Variants in TSPAN16 observed in about 807,000 individuals in gnomAD.
TSPAN16 encodes the protein tetraspanin 16, also known as tetraspanin-16.
A neutral mutation model predicts 25.2 loss-of-function variants in TSPAN16; 23 were observed. That is an observed-to-expected ratio of 0.91 (90% CI 0.66 to 1.29). The LOEUF is 1.29. Among genes scored for constraint, TSPAN16 ranks in the 50% most tolerant of loss-of-function variants. The pLI is 0.00. For synonymous variants in TSPAN16, 123 were observed against 124.4 expected (o/e 0.99, Z 0.08); for missense variants, 272 against 299.9 (o/e 0.91, Z 0.69).
intron 5 of TSPAN16, among the ~76,000 whole-genome samples, chr19:11,309,562 C>T (rs927624493): frequency 6.6e-6 from 1 of 152,244 alleles, no homozygotes; most frequent in Non-Finnish European, 1.5e-5. Flanking sequence ...ACTCAACTGG[C>T]ACTTTCTCCG....
At chr19:11,313,260 T>TGGGAGCTA (rs1206087551) in intron 6 of TSPAN16, among the ~76,000 whole-genome samples, 1 of 152,126 alleles carries the variant, frequency 6.6e-6, no homozygotes, top group Non-Finnish European at 1.5e-5. Context: ...ATGCCTGTAA[T>TGGGAGCTA]CCCAGAATTT....
intron 2 of TSPAN16, 91 bp downstream of exon 2, chr19:11,298,430 C>A: frequency 1.6e-6 from 2 of 1,273,844 alleles, no homozygotes; most frequent in Non-Finnish European, 2.1e-6. Context: ...TGCTTGGTGT[C>A]ACCTATTTTT....
chr19:11,322,393 G>C (rs1448595116), intron 6 of TSPAN16: 1 of 152,044 alleles, frequency 6.6e-6, no homozygotes, highest in Non-Finnish European at 1.5e-5. Flanking sequence ...TGTGGTCATG[G>C]CAATTTCCCA....
At chr19:11,322,589 A>C (rs1434906157) in intron 6 of TSPAN16, 1 of 152,176 alleles carries the variant, frequency 6.6e-6, no homozygotes, top group East Asian at 1.9e-4. Context: ...CAAAAACATC[A>C]GTTTTCAGTC....
intron 5 of TSPAN16, 47 bp from the exon 6 acceptor site, chr19:11,312,092 A>G (rs754054885): frequency 9.5e-6 from 14 of 1,472,520 alleles, no homozygotes; most frequent in Non-Finnish European, 1.2e-5. Context: ...CTTGCAATCC[A>G]TAAGCCCCTA....
chr19:11,311,112 C>T (rs936461473), intron 5 of TSPAN16, among the ~76,000 whole-genome samples: 58 of 126,916 alleles, frequency 4.6e-4, no homozygotes, highest in Middle Eastern at 3.6e-3. Flanking sequence ...TCTGGGATTA[C>T]GGGCATGAGC....
Position 11,303,576 on chromosome 19 carries a change from T to A in TSPAN16, c.450+2268T>A, listed in dbSNP as rs1349477310. On this transcript the variant is annotated intron_variant, in intron 4 of 6. Transcript: ENST00000590327. ...AATAAAAAATAAATAAATAAATAAA[T>A]TAAAAAAAAAAAAAAAAAAAACTCC... is the stretch of plus-strand genomic sequence containing the variant. 7.0e-3 allele frequency among the ~76,000 whole-genome samples: 523 copies of A among 74,488 alleles called. 20 individuals are homozygous for A. The highest frequency in any genetic ancestry group is 0.023 in the African/African-American group (406 of 17,374). 48.9% of individuals were successfully genotyped at this position (74,488 alleles called of 152,430 possible). A position where few individuals can be genotyped will look rare whatever the true frequency, so the allele number is the denominator to read the frequency against.
In TSPAN16 at chr19:11,306,714, C is replaced by T; in HGVS notation, c.561C>T (p.Ser187=). ...RSCCKSIGSV[S]CDGRDVSPNV... ...GCTGTAAATCCATCGGAAGTGTGTC[C>T]TGTGACGGACGCGATGTGTCTCCAA... The change falls in exon 5 of 7, where the codon TCC becomes TCT. Residue 187 remains serine, a synonymous_variant. Coordinates refer to ENST00000590327, the MANE Select transcript of TSPAN16 (RefSeq NM_001282509.2). 3 of 1,614,120 alleles carry T rather than the reference C, an allele frequency of 1.9e-6. No individual in the cohort carries two copies. Among genetic ancestry groups the T allele is most frequent in the Non-Finnish European group, 2.5e-6 (3 of 1,180,052 alleles).
intron 2 of TSPAN16, 97 bp downstream of exon 2, chr19:11,298,436 T>G: frequency 1.6e-5 from 2 of 124,146 alleles, no homozygotes; most frequent in Non-Finnish European, 2.2e-5. Context: ...GTGTCACCTA[T>G]TTTTTTTTTT....
At position 11,312,250 on chromosome 19, in the gene TSPAN16, G is replaced by C. The variant is rs374357372; in HGVS notation, c.687+28G>C. 22 of 1,554,726 alleles carry C rather than the reference G, an allele frequency of 1.4e-5. No homozygotes were observed. The African/African-American group carries it at 3.0e-4, about 21-fold the overall frequency. On this transcript the variant is annotated intron_variant, in intron 6 of 6. Coordinates refer to ENST00000590327, the MANE Select transcript of TSPAN16 (RefSeq NM_001282509.2). ...AAGACCCAGCCTCTCTAGGGTCTTT[G>C]AGCTGTTTTATTAAGCACCTACTGT...
chr19:11,314,293 A>G (rs542333714), intron 6 of TSPAN16, among the ~76,000 whole-genome samples: 1 of 152,174 alleles, frequency 6.6e-6, no homozygotes, highest in Non-Finnish European at 1.5e-5. Flanking sequence ...CTCTGAATAT[A>G]CTAAAAACCA....
chr19:11,321,040 G>A (rs991251439), intron 6 of TSPAN16, among the ~76,000 whole-genome samples: 11 of 151,920 alleles, frequency 7.2e-5, no homozygotes, highest in Non-Finnish European at 1.2e-4. Flanking sequence ...GTAGTGGAGT[G>A]TGCCTGTAAT....
intron 3 of TSPAN16, among the ~76,000 whole-genome samples, 195 bp downstream of exon 3, chr19:11,299,141 C>T (rs1022864922): frequency 6.6e-6 from 1 of 151,930 alleles, no homozygotes; most frequent in African/African-American, 2.4e-5. Context: ...ATTAGCCAGG[C>T]GTGATAGCAC....
At chr19:11,323,956 A>C (rs150646450) in intron 6 of TSPAN16, 1 of 152,302 alleles carries the variant, frequency 6.6e-6, no homozygotes, top group East Asian at 1.9e-4. Context: ...CCGGAGGTCA[A>C]GATGTACATC....
rs767240979 is a variant in TSPAN16, at chr19:11,298,918, C to T, written c.314C>T (p.Ala105Val). Residue 105 changes from alanine (A) to valine (V), a missense_variant, in exon 3 of 7, where the codon GCC (alanine) becomes GTC (valine). Physicochemically the swap from Ala to Val is moderately conservative, Grantham distance 64 (BLOSUM62 0). Coordinates refer to ENST00000590327, the MANE Select transcript of TSPAN16 (RefSeq NM_001282509.2). ...GTCCTCATCATGGAAGTTACAGCTG[C>T]CACAGTGGTCCTTCTTTTCTTTCCA... ...VIVLIMEVTA[A>V]TVVLLFFPIV... is the part of the protein sequence containing the mutation. 6.2e-7 allele frequency: 1 copy of T among 1,613,962 alleles called. No individual in the cohort carries two copies. The highest frequency in any genetic ancestry group is 1.3e-5 in the African/African-American group (1 of 74,904).
chr19:11,312,878 A>G (rs1369374789), intron 6 of TSPAN16, among the ~76,000 whole-genome samples: 1 of 152,216 alleles, frequency 6.6e-6, no homozygotes, highest in Non-Finnish European at 1.5e-5. Flanking sequence ...CCTTACAGAA[A>G]TAAAGCAACT....
chr19:11,312,095 A>C, intron 5 of TSPAN16, 44 bp from the exon 6 acceptor site: 1 of 1,501,314 alleles, frequency 6.7e-7, no homozygotes, highest in South Asian at 1.2e-5. Context: ...GCAATCCATA[A>C]GCCCCTAACC....
At chr19:11,325,817 T>A (rs2080809326) in intron 6 of TSPAN16, among the ~76,000 whole-genome samples, 1 of 152,180 alleles carries the variant, frequency 6.6e-6, no homozygotes, top group African/African-American at 2.4e-5. Context: ...CTTATGCCTG[T>A]AATCCTGGCA....
chr19:11,320,884 G>A (rs1431275553), downstream of TSPAN16, among the ~76,000 whole-genome samples: 1 of 151,852 alleles, frequency 6.6e-6, no homozygotes, highest in Non-Finnish European at 1.5e-5. Context: ...AAAGGAAAGA[G>A]GTTTGCCCGT....
Sources: gnomAD v4.1 joint callset for allele counts (sites outside exome capture counted in the v4.1 genomes callset) on GRCh38, gnomAD v4.1.1 for gene constraint, MANE v1.5 for transcripts, NCBI Gene and HGNC (gene_info 2026-07-23, HGNC 2026-07-21) for gene names.